SLC35F1: variants seen among roughly 807,000 people sequenced by gnomAD.
SLC35F1 encodes chromosome 6 open reading frame 169.
SLC35F1 carries 14 observed loss-of-function variants against 48.7 expected under a neutral mutation model. The observed-to-expected ratio is 0.29, with a 90% CI of 0.19 to 0.45. The LOEUF (loss-of-function observed/expected upper bound fraction) is 0.45. SLC35F1 is among the 20% of genes least tolerant of loss of function. The probability of loss-of-function intolerance (pLI) is 1.00; values close to 1 mark genes in which losing one functional copy is unlikely to be tolerated. For synonymous variants in SLC35F1, 190 were observed against 202.2 expected (o/e 0.94, Z 0.51); for missense variants, 404 against 500.0 (o/e 0.81, Z 1.83).
chr6:117,966,394 G>T (rs369637116), intron 1 of SLC35F1, among the ~76,000 whole-genome samples: 124 of 151,772 alleles, frequency 8.2e-4, no homozygotes, highest in African/African-American at 2.7e-3. Flanking sequence ...CACTCGCCGC[G>T]AAGATCTGCA....
At chr6:118,252,330 G>A (rs1041732117) in intron 3 of SLC35F1, among the ~76,000 whole-genome samples, 1 of 152,046 alleles carries the variant, frequency 6.6e-6, no homozygotes, top group African/African-American at 2.4e-5. Flanking sequence ...GATGCATTCA[G>A]TAGATAAAGC....
At chr6:118,267,257 G>A in intron 4 of SLC35F1, 103 bp downstream of exon 4, 9 of 1,342,660 alleles carry the variant, frequency 6.7e-6, no homozygotes, top group Non-Finnish European at 9.4e-6. Flanking sequence ...TTAGGAACCT[G>A]GATTTCCCAC....
intron 1 of SLC35F1, among the ~76,000 whole-genome samples, chr6:118,079,528 G>A (rs1160583245): frequency 6.6e-6 from 1 of 152,104 alleles, no homozygotes; most frequent in Non-Finnish European, 1.5e-5. Flanking sequence ...CATAGAACTG[G>A]AATTGCTGGA....
chr6:118,151,449 C>T (rs1774055606), intron 1 of SLC35F1, among the ~76,000 whole-genome samples: 2 of 152,186 alleles, frequency 1.3e-5, no homozygotes, highest in Non-Finnish European at 2.9e-5. Flanking sequence ...TGTTTCTCCA[C>T]TAAAACCAGC....
chr6:117,992,337 G>A lies in SLC35F1; in HGVS notation c.173+84438G>A, dbSNP rs148607677. ...GGTGTAAAAAAATCAACCAAAAATC[G>A]TTATGATTCTGTATTCTTTATTAAT... On this transcript the variant is annotated intron_variant, in intron 1 of 7. Coordinates refer to ENST00000360388, the MANE Select transcript of SLC35F1 (RefSeq NM_001029858.4). Among the ~76,000 whole-genome samples, 168 of 152,166 alleles carry A rather than the reference G, an allele frequency of 1.1e-3. 2 individuals carry two copies. The East Asian group carries it at 0.027, about 25-fold the overall frequency.
chr6:117,930,540 T>C (rs1562241323), intron 1 of SLC35F1, among the ~76,000 whole-genome samples: 2 of 152,146 alleles, frequency 1.3e-5, no homozygotes, highest in Admixed American at 1.3e-4. Context: ...GATAGGCCTC[T>C]TTTCTAAGCC....
At chr6:117,987,447 C>A (rs535477256) in intron 1 of SLC35F1, among the ~76,000 whole-genome samples, 1 of 151,622 alleles carries the variant, frequency 6.6e-6, no homozygotes, top group Non-Finnish European at 1.5e-5. Context: ...CTCCTCCTCC[C>A]TTCCCTTCTC....
At chr6:118,233,869 G>A (rs1359252535) in intron 2 of SLC35F1, among the ~76,000 whole-genome samples, 1 of 152,222 alleles carries the variant, frequency 6.6e-6, no homozygotes, top group Non-Finnish European at 1.5e-5. Flanking sequence ...TGAAGGCTAT[G>A]AGAAGTGTGG....
intron 1 of SLC35F1, among the ~76,000 whole-genome samples, chr6:117,938,638 G>A (rs1344026217): frequency 6.6e-6 from 1 of 152,236 alleles, no homozygotes; most frequent in African/African-American, 2.4e-5. Flanking sequence ...CTCTTGGGAA[G>A]TGGGAAGGAA....
chr6:118,092,485 GC>G (rs1470457233), intron 1 of SLC35F1, among the ~76,000 whole-genome samples: 1 of 152,220 alleles, frequency 6.6e-6, no homozygotes, highest in Non-Finnish European at 1.5e-5. Flanking sequence ...TGGTGTGTGA[GC>G]CCCCACACAG....
intron 3 of SLC35F1, among the ~76,000 whole-genome samples, chr6:118,252,827 G>A (rs1775593123): frequency 6.6e-6 from 1 of 152,162 alleles, no homozygotes; most frequent in Non-Finnish European, 1.5e-5. Context: ...GAAGCCAAGT[G>A]AAGAAAGTGT....
chr6:117,987,194 C>G (rs948572240), intron 1 of SLC35F1, among the ~76,000 whole-genome samples: 1 of 152,158 alleles, frequency 6.6e-6, no homozygotes, highest in Non-Finnish European at 1.5e-5. Context: ...CCACTCATCT[C>G]TTTGTGCATG....
At chr6:118,003,168 A>G (rs1199919380) in intron 1 of SLC35F1, among the ~76,000 whole-genome samples, 1 of 152,232 alleles carries the variant, frequency 6.6e-6, no homozygotes, top group Non-Finnish European at 1.5e-5. Context: ...TCAGGATAAA[A>G]TAGTTCAGGA....
At chr6:118,037,698 A>C (rs902501866) in intron 1 of SLC35F1, among the ~76,000 whole-genome samples, 4 of 152,162 alleles carry the variant, frequency 2.6e-5, no homozygotes, top group African/African-American at 9.7e-5. Context: ...CATAAAAAAG[A>C]ATGAGTTCAT....
intron 1 of SLC35F1, among the ~76,000 whole-genome samples, chr6:118,059,023 TTTAA>T (rs1256689256): frequency 1.3e-5 from 2 of 152,210 alleles, no homozygotes; most frequent in African/African-American, 2.4e-5. Context: ...TTAAGAATAA[TTTAA>T]TTAGTTATTC....
chr6:118,225,012 A>G (rs552767956), intron 2 of SLC35F1, among the ~76,000 whole-genome samples: 2 of 152,354 alleles, frequency 1.3e-5, no homozygotes, highest in African/African-American at 4.8e-5. Context: ...ATACTGATGA[A>G]AGAAATTGAA....
At chr6:118,227,228 G>A (rs1473183401) in intron 2 of SLC35F1, among the ~76,000 whole-genome samples, 5 of 152,132 alleles carry the variant, frequency 3.3e-5, no homozygotes, top group African/African-American at 1.2e-4. Flanking sequence ...TGGCAGACTC[G>A]CTGTGCAAAT....
intron 2 of SLC35F1, among the ~76,000 whole-genome samples, chr6:118,200,292 A>G (rs1313364369): frequency 1.3e-5 from 2 of 152,220 alleles, no homozygotes; most frequent in Admixed American, 1.3e-4. Flanking sequence ...ACCTCAGTAT[A>G]GAACTGGGCT....
chr6:118,264,941 T>G (rs1238600797), intron 3 of SLC35F1, among the ~76,000 whole-genome samples: 2 of 152,236 alleles, frequency 1.3e-5, no homozygotes, highest in African/African-American at 2.4e-5. Context: ...AGTACAATCC[T>G]ACCTGCCACC....
Sources: gnomAD v4.1 joint callset for allele counts (sites outside exome capture counted in the v4.1 genomes callset) on GRCh38, gnomAD v4.1.1 for gene constraint, MANE v1.5 for transcripts, NCBI Gene and HGNC (gene_info 2026-07-23, HGNC 2026-07-21) for gene names.